SEM1: variants seen among roughly 807,000 people sequenced by gnomAD.
The protein encoded by SEM1 is SEM1 26S proteasome subunit.
In SEM1, 3 loss-of-function variants were observed where a neutral mutation model predicts 12.7. That is an observed-to-expected ratio of 0.24 (90% confidence interval 0.11 to 0.61). The LOEUF (loss-of-function observed/expected upper bound fraction) is 0.61, where lower values mean the gene tolerates loss of function less well. Among genes scored for constraint, SEM1 ranks in the 20% least tolerant of loss-of-function variants. SEM1 has a pLI of 0.88. For missense variants in SEM1, 59 were observed against 81.3 expected, an observed-to-expected ratio of 0.73 and a Z score of 1.06; for synonymous variants, 30 against 27.8, an observed-to-expected ratio of 1.08 and a Z score of -0.25.
rs566995751 is a variant in SEM1 at position 96,698,630 on chromosome 7, G to A, written c.77-3739C>T. On this transcript the variant is annotated intron_variant, in intron 1 of 2. Transcript: ENST00000248566. ...TTATGGCTGTATAGTATTGCACAGCGTATACGTGCCACCTTTTCTTTAACC... is the reference window on the plus strand; with the variant it reads ...TTATGGCTGTATAGTATTGCACAGCATATACGTGCCACCTTTTCTTTAACC... 8.5e-5 allele frequency among the ~76,000 whole-genome samples: 13 copies of A among 152,256 alleles called. No individual in the cohort carries two copies. In the East Asian group the frequency reaches 1.2e-3, roughly 14 times the overall value.
chr7:96,707,230 C>G (rs923027809), intron 1 of SEM1, among the ~76,000 whole-genome samples: 4 of 152,148 alleles, frequency 2.6e-5, no homozygotes, highest in African/African-American at 9.7e-5. Context: ...GTAACAGACT[C>G]TAAACCTTGA....
At chr7:96,583,465 A>G (rs1157110431) in intron 2 of SEM1, among the ~76,000 whole-genome samples, 9 of 147,408 alleles carry the variant, frequency 6.1e-5, no homozygotes, top group Admixed American at 7.2e-5. Flanking sequence ...TGGGGTGGAG[A>G]GTTCTGTAGA....
intron 1 of SEM1, among the ~76,000 whole-genome samples, chr7:96,704,010 C>CACACAT (rs1390081341): frequency 5.6e-5 from 8 of 143,744 alleles, no homozygotes; most frequent in South Asian, 2.3e-4. Context: ...CACACACACA[C>CACACAT]ATACATAAAA....
At chr7:96,489,512 A>T (rs1046948498) in intron 1 of SEM1, among the ~76,000 whole-genome samples, 1 of 152,212 alleles carries the variant, frequency 6.6e-6, no homozygotes, top group African/African-American at 2.4e-5. Flanking sequence ...CTTTCATGAA[A>T]ATACTGATGC....
At chr7:96,564,076 C>T (rs929024159) in intron 2 of SEM1, among the ~76,000 whole-genome samples, 1 of 151,960 alleles carries the variant, frequency 6.6e-6, no homozygotes, top group Non-Finnish European at 1.5e-5. Flanking sequence ...AGAGAGTTTA[C>T]CTGTTTGGGC....
chr7:96,657,684 A>G (rs932779403), intron 2 of SEM1, among the ~76,000 whole-genome samples: 2 of 152,222 alleles, frequency 1.3e-5, no homozygotes, highest in Non-Finnish European at 2.9e-5. Flanking sequence ...AGAAGTCACA[A>G]TATCTAGGTA....
intron 3 of SEM1, among the ~76,000 whole-genome samples, chr7:96,503,079 C>T (rs953062755): frequency 1.3e-5 from 2 of 152,128 alleles, no homozygotes; most frequent in African/African-American, 4.8e-5. Flanking sequence ...TGGTCAGCAA[C>T]AGAATACACT....
downstream of SEM1, among the ~76,000 whole-genome samples, chr7:96,670,760 G>A (rs1213789033): frequency 6.6e-6 from 1 of 152,208 alleles, no homozygotes; most frequent in Non-Finnish European, 1.5e-5. Context: ...AACAGGATTT[G>A]AGAGCTTAAT....
At chr7:96,551,705 C>CAAAAAAAAAAAAAAA (rs56316029) in intron 2 of SEM1, among the ~76,000 whole-genome samples, 1 of 84,072 alleles carries the variant, frequency 1.2e-5, no homozygotes, top group Non-Finnish European at 2.4e-5. Flanking sequence ...GACTCTGTCT[C>CAAAAAAAAAAAAAAA]AAAAAAAAAA....
chr7:96,690,779 T>C (rs958991830), intron 2 of SEM1, among the ~76,000 whole-genome samples: 8 of 152,124 alleles, frequency 5.3e-5, no homozygotes, highest in Non-Finnish European at 1.0e-4. Context: ...TGGATTTTTT[T>C]GTTGTTGTTG....
chr7:96,673,243 G>A (rs1563106876), downstream of SEM1: 1 of 152,808 alleles, frequency 6.5e-6, no homozygotes. Flanking sequence ...AGCCTCCCAA[G>A]TAGCTGGGAT....
At chr7:96,575,338 G>A (rs1451587026) in intron 2 of SEM1, among the ~76,000 whole-genome samples, 2 of 152,172 alleles carry the variant, frequency 1.3e-5, no homozygotes, top group Non-Finnish European at 2.9e-5. Flanking sequence ...TTCCTCTGGA[G>A]GCTTTGTCCC....
In SEM1 at chr7:96,651,792, C is replaced by T. The variant is rs537759236; in HGVS notation, c.171-29149G>A. Among the ~76,000 whole-genome samples, 344 of 152,198 alleles carry T rather than the reference C, an allele frequency of 2.3e-3. 3 individuals carry two copies. The highest frequency in any genetic ancestry group is 7.9e-3 in the African/African-American group (330 of 41,526). On this transcript the variant is annotated intron_variant, in intron 2 of 2. Transcript: ENST00000417009. ...TTCACCATGTTGGCCAGGCTGGTCT[C>T]GAACTCCTGACCTCAAGTGATCCGC...
At chr7:96,548,151 T>A (rs76437215) in intron 2 of SEM1, among the ~76,000 whole-genome samples, 1,753 of 152,242 alleles carry the variant, frequency 0.012, 30 homozygotes, top group African/African-American at 0.04. Context: ...TAGTTAGTTA[T>A]AATATGCTTT....
At chr7:96,706,570 CAAAAAAAA>C (rs67892273) in intron 1 of SEM1, among the ~76,000 whole-genome samples, 1,846 of 78,174 alleles carry the variant, frequency 0.024, 38 homozygotes, top group African/African-American at 0.09. Flanking sequence ...CTCAAACAAA[CAAAAAAAA>C]AAAAAAAAAA....
chr7:96,618,285 A>G (rs1025738320), downstream of SEM1, among the ~76,000 whole-genome samples: 1 of 152,012 alleles, frequency 6.6e-6, no homozygotes, highest in Non-Finnish European at 1.5e-5. Flanking sequence ...GAATTTATCC[A>G]TTTCCTTTAC....
downstream of SEM1, among the ~76,000 whole-genome samples, chr7:96,668,831 G>A (rs1376514976): frequency 6.6e-6 from 1 of 152,152 alleles, no homozygotes; most frequent in East Asian, 1.9e-4. Context: ...CAGATATAAT[G>A]AATAAGATGG....
chr7:96,602,891 A>C (rs572693188), intron 2 of SEM1, among the ~76,000 whole-genome samples: 1 of 152,328 alleles, frequency 6.6e-6, no homozygotes, highest in Non-Finnish European at 1.5e-5. Flanking sequence ...ATAGAAGGTG[A>C]CGTACAGCCA....
At position 96,484,979 on chromosome 7, in the gene SEM1, G is replaced by T. The variant is rs1289298237; in HGVS notation, c.228-125C>A. Reference sequence around the variant, plus strand: ...TTATTCCTGTTGAGACTGACAAAAAGCATTTATTAAGTGCCTCATAGTATA... The same window carrying T: ...TTATTCCTGTTGAGACTGACAAAAATCATTTATTAAGTGCCTCATAGTATA... On this transcript the variant is annotated intron_variant, in intron 2 of 3. Coordinates refer to the SEM1 transcript ENST00000356686. 8 of 509,564 alleles carry T rather than the reference G, an allele frequency of 1.6e-5. No homozygotes were observed. The Admixed American group carries it at 2.3e-4, about 15-fold the overall frequency. The allele number at this position is 509,564 out of a possible 1,614,324, so 31.6% of individuals were successfully genotyped here.
Sources: allele counts gnomAD v4.1 joint callset (sites outside exome capture counted in the v4.1 genomes callset), GRCh38; gene constraint gnomAD v4.1.1; transcripts MANE v1.5; gene names NCBI Gene and HGNC (gene_info 2026-07-23, HGNC 2026-07-21).